YAF2: variants seen among roughly 807,000 people sequenced by gnomAD.
YAF2 encodes YY1 associated factor 2.
Under a neutral mutation model 20.1 loss-of-function variants are expected in YAF2, and 7 were observed. That is an observed-to-expected ratio of 0.35 (90% confidence interval 0.20 to 0.65). The LOEUF is 0.65. Among genes scored for constraint, YAF2 ranks in the 30% least tolerant of loss-of-function variants. The pLI is 0.69. For synonymous variants in YAF2, 74 were observed against 76.0 expected, an observed-to-expected ratio of 0.97 and a Z score of 0.14; for missense variants, 151 against 219.2, an observed-to-expected ratio of 0.69 and a Z score of 1.96.
At chr12:42,234,394 T>C (rs889263112) in intron 2 of YAF2, 5 of 985,150 alleles carry the variant, frequency 5.1e-6, no homozygotes, top group Non-Finnish European at 6.0e-6. Context: ...GGCTGAAAAA[T>C]GACCTGTTGG....
chr12:42,214,245 C>T (rs2067289960), intron 2 of YAF2, among the ~76,000 whole-genome samples: 1 of 152,168 alleles, frequency 6.6e-6, no homozygotes, highest in Admixed American at 6.5e-5. Flanking sequence ...TTCAACTTGC[C>T]GTTAACTACA....
chr12:42,237,828 T>G (rs1205304564), intron 1 of YAF2, 104 bp from the exon 2 acceptor site: 3 of 861,372 alleles, frequency 3.5e-6, no homozygotes, highest in African/African-American at 2.9e-5. Context: ...GCCCCAATTC[T>G]GCGACCCCCG....
At chr12:42,229,689 A>G (rs1250946953) in intron 2 of YAF2, among the ~76,000 whole-genome samples, 1 of 152,254 alleles carries the variant, frequency 6.6e-6, no homozygotes, top group Admixed American at 6.5e-5. Context: ...TAGATGGTAC[A>G]GCCTACTACA....
chr12:42,206,297 TAA>T (rs33934066), intron 2 of YAF2, among the ~76,000 whole-genome samples: 25,981 of 130,878 alleles, frequency 0.2, 2,572 homozygotes, highest in Admixed American at 0.25. Flanking sequence ...TGCTCTTAGT[TAA>T]AAAAAAAAAA....
At chr12:42,211,475 G>A (rs1338833120) in intron 2 of YAF2, among the ~76,000 whole-genome samples, 2 of 141,678 alleles carry the variant, frequency 1.4e-5, no homozygotes, top group African/African-American at 2.6e-5. Flanking sequence ...AGTGGCTCAC[G>A]CCTGTAATCC....
chr12:42,215,149 T>C (rs2067316486), intron 2 of YAF2, among the ~76,000 whole-genome samples: 1 of 152,252 alleles, frequency 6.6e-6, no homozygotes, highest in Non-Finnish European at 1.5e-5. Flanking sequence ...TTTTTGAAAT[T>C]CATAAGCCAC....
intron 2 of YAF2, among the ~76,000 whole-genome samples, chr12:42,188,204 G>A (rs1213527385): frequency 6.6e-6 from 1 of 152,064 alleles, no homozygotes; most frequent in African/African-American, 2.4e-5. Flanking sequence ...GCACGGGAAA[G>A]GGGAATACAG....
chr12:42,229,522 G>A (rs908829586), intron 2 of YAF2, among the ~76,000 whole-genome samples: 1 of 151,904 alleles, frequency 6.6e-6, no homozygotes, highest in African/African-American at 2.4e-5. Flanking sequence ...CTGTAGGGCA[G>A]ATAAGTGTCT....
intron 2 of YAF2, among the ~76,000 whole-genome samples, chr12:42,178,843 T>C (rs2066265074): frequency 6.6e-6 from 1 of 152,034 alleles, no homozygotes; most frequent in African/African-American, 2.4e-5. Context: ...AAATCAGTGG[T>C]GTCTAACACC....
chr12:42,161,501 T>C (rs546963362), intron 3 of YAF2, 112 bp downstream of exon 3: 3 of 1,244,764 alleles, frequency 2.4e-6, no homozygotes, highest in Non-Finnish European at 3.2e-6. Flanking sequence ...TACCTTATAA[T>C]AAAGGAGACC....
At chr12:42,176,549 T>A (rs1293086553) in intron 2 of YAF2, among the ~76,000 whole-genome samples, 6 of 152,164 alleles carry the variant, frequency 3.9e-5, no homozygotes, top group Non-Finnish European at 7.3e-5. Flanking sequence ...ATTTATTCCG[T>A]TTTTCCTCTC....
At chr12:42,166,106 T>C (rs765306209) in intron 2 of YAF2, among the ~76,000 whole-genome samples, 1 of 151,852 alleles carries the variant, frequency 6.6e-6, no homozygotes, top group Non-Finnish European at 1.5e-5. Context: ...TTTTAGGGGG[T>C]TTCACCATGT....
chr12:42,231,975 C>G (rs1161214415), intron 2 of YAF2: 1 of 152,136 alleles, frequency 6.6e-6, no homozygotes, highest in Non-Finnish European at 1.5e-5. Flanking sequence ...AAATGATGCT[C>G]TATGACAAAA....
chr12:42,165,820 T>A (rs539405191), intron 2 of YAF2, among the ~76,000 whole-genome samples: 1 of 147,088 alleles, frequency 6.8e-6, no homozygotes, highest in Non-Finnish European at 1.5e-5. Flanking sequence ...CCTCATCAAC[T>A]GTCATGCCTA....
chr12:42,228,267 GC>G lies in YAF2; in HGVS notation c.152+9331del, dbSNP rs1473433488. The stretch of plus-strand genomic sequence containing the variant: ...AGGTGGGGGTGTCGGCCCCCCGCCC[GC>G]GCCAGCCGCCCCGTCCGGGAGGGAG... On this transcript the variant is annotated intron_variant, in intron 2 of 3. Transcript: ENST00000534854. Among the ~76,000 whole-genome samples the G allele has an allele frequency of 2.0e-3, 80 of 39,496 alleles. 1 individual carries two copies. Among genetic ancestry groups the G allele is most frequent in the East Asian group, 7.0e-3 (5 of 712 alleles). The allele number at this position is 39,496 out of a possible 152,430, so 25.9% of individuals were successfully genotyped here. A position where few individuals can be genotyped will look rare whatever the true frequency, so the allele number is the denominator to read the frequency against.
In YAF2 at chr12:42,232,936, A is replaced by G. The variant is rs373918104; in HGVS notation, c.152+4663T>C. ...CAGCCTACACATAAAGGAAAGATCT[A>G]CTAACACTAAACCTCACATATAGAG... On this transcript the variant is annotated intron_variant, in intron 2 of 3. Coordinates refer to ENST00000534854, the MANE Select transcript of YAF2 (RefSeq NM_005748.6). 9 of 985,324 alleles carry G rather than the reference A, an allele frequency of 9.1e-6. No homozygotes were observed. The East Asian group carries it at 4.5e-4, about 50-fold the overall frequency. The allele number at this position is 985,324 out of a possible 1,614,324, so 61.0% of individuals were successfully genotyped here.
intron 2 of YAF2, among the ~76,000 whole-genome samples, chr12:42,184,792 T>C (rs919261487): frequency 1.3e-5 from 2 of 152,144 alleles, no homozygotes; most frequent in East Asian, 3.8e-4. Flanking sequence ...AACAGGAGTT[T>C]GGTGGAAGTT....
intron 2 of YAF2, among the ~76,000 whole-genome samples, chr12:42,182,092 CTT>C (rs2066356820): frequency 2.0e-5 from 3 of 152,142 alleles, no homozygotes; most frequent in Admixed American, 1.3e-4. Context: ...AAAATATGCT[CTT>C]CTGTGTAAAC....
chr12:42,201,337 A>G (rs1277149931), intron 2 of YAF2, among the ~76,000 whole-genome samples: 2 of 152,232 alleles, frequency 1.3e-5, no homozygotes, highest in Non-Finnish European at 2.9e-5. Context: ...GAAAATTGAT[A>G]GCTCGTACGT....
Sources: allele counts gnomAD v4.1 joint callset (sites outside exome capture counted in the v4.1 genomes callset), GRCh38; gene constraint gnomAD v4.1.1; transcripts MANE v1.5; gene names NCBI Gene and HGNC (gene_info 2026-07-23, HGNC 2026-07-21).